Variants in ACTL8 observed in about 807,000 individuals in gnomAD.
ACTL8 encodes actin-like protein 8.
A neutral mutation model predicts 9.3 loss-of-function variants in ACTL8; 3 were observed. The observed-to-expected ratio is 0.32, with a 90% confidence interval of 0.15 to 0.83. The LOEUF is 0.83. Ranked by LOEUF, ACTL8 falls within the 40% of genes least tolerant of loss-of-function variation. The pLI is 0.57. For synonymous variants in ACTL8, 224 were observed against 205.9 expected (o/e 1.09, Z -0.75); for missense variants, 381 against 492.2 (o/e 0.77, Z 2.14).
intron 1 of ACTL8, among the ~76,000 whole-genome samples, chr1:17,777,398 C>G (rs770219166): frequency 2.6e-5 from 4 of 152,170 alleles, no homozygotes; most frequent in Non-Finnish European, 4.4e-5. Context: ...CAGCCCCAGG[C>G]TCATGCTGTT....
chr1:17,788,383 G>A (rs147647892), intron 1 of ACTL8, among the ~76,000 whole-genome samples: 2 of 152,298 alleles, frequency 1.3e-5, no homozygotes, highest in East Asian at 3.9e-4. Context: ...GGGAGTCAAG[G>A]TGGGCTGCTG....
intron 1 of ACTL8, among the ~76,000 whole-genome samples, chr1:17,794,316 C>T (rs2066262323): frequency 6.6e-6 from 1 of 150,946 alleles, no homozygotes; most frequent in African/African-American, 2.5e-5. Flanking sequence ...CTTCCTTTTC[C>T]TCATCTATAA....
chr1:17,763,101 C>T (rs2066019033), intron 1 of ACTL8, among the ~76,000 whole-genome samples: 1 of 152,172 alleles, frequency 6.6e-6, no homozygotes, highest in African/African-American at 2.4e-5. Flanking sequence ...ATTTTCATTT[C>T]ATCCTGCAAT....
At chr1:17,777,855 G>A (rs1470147676) in intron 1 of ACTL8, among the ~76,000 whole-genome samples, 1 of 152,140 alleles carries the variant, frequency 6.6e-6, no homozygotes, top group African/African-American at 2.4e-5. Flanking sequence ...GTACCACCAT[G>A]CCCGGCTAAT....
chr1:17,779,926 G>C (rs761028268), intron 1 of ACTL8, among the ~76,000 whole-genome samples: 3 of 152,158 alleles, frequency 2.0e-5, no homozygotes, highest in Non-Finnish European at 4.4e-5. Flanking sequence ...GAACCTTTTG[G>C]CTGGGTGCAG....
chr1:17,769,266 C>T (rs902998834), intron 1 of ACTL8, among the ~76,000 whole-genome samples: 4 of 152,228 alleles, frequency 2.6e-5, no homozygotes, highest in South Asian at 4.2e-4. Flanking sequence ...GGCTGTGGGC[C>T]GGCAGGGGTG....
intron 1 of ACTL8, among the ~76,000 whole-genome samples, chr1:17,788,478 G>A (rs2066214445): frequency 6.6e-6 from 1 of 152,244 alleles, no homozygotes; most frequent in African/African-American, 2.4e-5. Flanking sequence ...CAGGGCCTGG[G>A]GTAGCCAAAG....
intron 1 of ACTL8, among the ~76,000 whole-genome samples, chr1:17,788,537 G>T (rs201933477): frequency 6.6e-6 from 1 of 152,178 alleles, no homozygotes; most frequent in Non-Finnish European, 1.5e-5. Context: ...CCTTTACCCC[G>T]TACAAATATT....
rs575828734 is a variant in ACTL8 at position 17,758,693 on chromosome 1, G to A, written c.-25+3189G>A. On this transcript the variant is annotated intron_variant, in intron 1 of 2. Coordinates refer to ENST00000375406, the MANE Select transcript of ACTL8 (RefSeq NM_030812.3). ...ATGCTGTTTCCTGGGGATCTAAAAT[G>A]CCACTCTGGCTCATAAGTCAAAGTG... Among the ~76,000 whole-genome samples the A allele has an allele frequency of 2.6e-5, 4 of 152,302 alleles. No homozygotes were observed. In the South Asian group the frequency reaches 6.2e-4, roughly 24 times the overall value.
intron 1 of ACTL8, among the ~76,000 whole-genome samples, chr1:17,796,996 C>T (rs374212347): frequency 1.3e-5 from 2 of 152,154 alleles, no homozygotes; most frequent in African/African-American, 4.8e-5. Context: ...AAGTATGGCT[C>T]GTACAGGGCC....
In ACTL8 at chr1:17,817,439, C is replaced by T. The variant is rs533994367; in HGVS notation, c.-24-5546C>T. ...GCTGGTAACTTCCATGTTGCTAAAT[C>T]CAATGGATAGTCCTTTGTTTTCCTC... On this transcript the variant is annotated intron_variant, in intron 1 of 2. Coordinates refer to ENST00000375406, the MANE Select transcript of ACTL8 (RefSeq NM_030812.3). 2.0e-5 allele frequency among the ~76,000 whole-genome samples: 3 copies of T among 152,242 alleles called. No individual in the cohort carries two copies. In the South Asian group the frequency reaches 6.2e-4, roughly 32 times the overall value.
At chr1:17,799,142 G>A (rs2066301561) in intron 1 of ACTL8, among the ~76,000 whole-genome samples, 1 of 152,154 alleles carries the variant, frequency 6.6e-6, no homozygotes, top group African/African-American at 2.4e-5. Flanking sequence ...TGGGGGGTGT[G>A]CCAAGGTTTG....
intron 1 of ACTL8, among the ~76,000 whole-genome samples, chr1:17,808,126 A>G (rs1008390178): frequency 6.6e-6 from 1 of 152,188 alleles, no homozygotes; most frequent in African/African-American, 2.4e-5. Flanking sequence ...GCTAAGTGGA[A>G]AGTTCCTTGC....
At chr1:17,766,538 G>T (rs1446241746) in intron 1 of ACTL8, among the ~76,000 whole-genome samples, 1 of 152,140 alleles carries the variant, frequency 6.6e-6, no homozygotes, top group Non-Finnish European at 1.5e-5. Context: ...AAAAGCAAAA[G>T]TCACAACCTT....
chr1:17,760,888 G>A (rs2065997231), intron 1 of ACTL8, among the ~76,000 whole-genome samples: 1 of 152,228 alleles, frequency 6.6e-6, no homozygotes, highest in African/African-American at 2.4e-5. Context: ...AAGAATTTAC[G>A]AGAGTTATTA....
chr1:17,771,189 A>G (rs1197890017), intron 1 of ACTL8, among the ~76,000 whole-genome samples: 1 of 152,172 alleles, frequency 6.6e-6, no homozygotes, highest in Non-Finnish European at 1.5e-5. Context: ...CCATAGATAG[A>G]TAATATGTAA....
chr1:17,768,940 A>C (rs748711355), intron 1 of ACTL8, among the ~76,000 whole-genome samples: 1 of 152,160 alleles, frequency 6.6e-6, no homozygotes, highest in Admixed American at 6.5e-5. Flanking sequence ...CATCCCTCCT[A>C]TGTGCCTGAC....
intron 1 of ACTL8, among the ~76,000 whole-genome samples, chr1:17,789,740 G>T (rs2066224554): frequency 6.6e-6 from 1 of 152,194 alleles, no homozygotes; most frequent in African/African-American, 2.4e-5. Context: ...AGGTCACACA[G>T]CTGTTTGTGC....
intron 1 of ACTL8, among the ~76,000 whole-genome samples, chr1:17,777,691 C>T (rs2066127191): frequency 6.6e-6 from 1 of 152,152 alleles, no homozygotes; most frequent in South Asian, 2.1e-4. Context: ...CTAGAAAGTG[C>T]CATCTGAGGC....
Sources: allele counts gnomAD v4.1 joint callset (sites outside exome capture counted in the v4.1 genomes callset), GRCh38; gene constraint gnomAD v4.1.1; transcripts MANE v1.5; gene names NCBI Gene and HGNC (gene_info 2026-07-23, HGNC 2026-07-21).